Variants in SYNDIG1L observed in about 807,000 individuals in gnomAD.
SYNDIG1L encodes the protein synapse differentiation-inducing gene protein 1-like.
A neutral mutation model predicts 20.1 loss-of-function variants in SYNDIG1L; 13 were observed. The ratio of observed to expected loss-of-function variants is 0.65; its 90% CI spans 0.42 to 1.03. The LOEUF is 1.03. Among genes scored for constraint, SYNDIG1L ranks in the 50% least tolerant of loss-of-function variants. The pLI, the probability that SYNDIG1L is intolerant of heterozygous loss-of-function variation, is 0.00. For missense variants in SYNDIG1L, 294 were observed against 305.1 expected (o/e 0.96, Z 0.27); for synonymous variants, 128 against 129.3 (o/e 0.99, Z 0.07).
chr14:74,407,848 C>A lies in SYNDIG1L; in HGVS notation c.558+1G>T, dbSNP rs779828746. 1 of 1,610,780 alleles carries A rather than the reference C, an allele frequency of 6.2e-7. No homozygotes were observed. The highest frequency in any genetic ancestry group is 8.5e-7 in the Non-Finnish European group (1 of 1,178,422). On this transcript the variant is annotated splice_donor_variant, in intron 3 of 3. Coordinates refer to ENST00000331628, the MANE Select transcript of SYNDIG1L (RefSeq NM_001105579.2). LOFTEE classifies it high-confidence loss of function. ...GGGACCTGGGCCCCAGGTGCTCTTA[C>A]CCCCTGGGAGAAGTAGAAGGCAGCA...
At chr14:74,423,445 A>G (rs1213138643) in intron 1 of SYNDIG1L, among the ~76,000 whole-genome samples, 1 of 152,192 alleles carries the variant, frequency 6.6e-6, no homozygotes, top group Non-Finnish European at 1.5e-5. Flanking sequence ...ACTGTCCATT[A>G]ACTCCAGAGA....
chr14:74,412,471 T>C, intron 1 of SYNDIG1L, among the ~76,000 whole-genome samples: 1 of 152,172 alleles, frequency 6.6e-6, no homozygotes, highest in Non-Finnish European at 1.5e-5. Flanking sequence ...CAGTGAGTGA[T>C]TGTATGAAAT....
the SYNDIG1L span, among the ~76,000 whole-genome samples, chr14:74,443,326 G>T: frequency 3.5e-4 from 54 of 152,300 alleles, no homozygotes; most frequent in African/African-American, 1.2e-3. Flanking sequence ...AATGATAAAA[G>T]GTCAAGTGAA....
the SYNDIG1L span, among the ~76,000 whole-genome samples, chr14:74,444,111 A>G: frequency 6.6e-6 from 1 of 152,120 alleles, no homozygotes; most frequent in African/African-American, 2.4e-5. Flanking sequence ...CTTGTTGCCC[A>G]GGCTGGAGTG....
intron 2 of SYNDIG1L, among the ~76,000 whole-genome samples, chr14:74,408,410 G>A (rs1285058675): frequency 2.0e-5 from 3 of 151,882 alleles, no homozygotes; most frequent in Admixed American, 1.3e-4. Context: ...CTGAAAATAC[G>A]AAAATTAGCT....
intron 1 of SYNDIG1L, 113 bp from the exon 2 acceptor site, chr14:74,409,914 C>T (rs2086118163): frequency 2.4e-6 from 2 of 833,622 alleles, no homozygotes; most frequent in South Asian, 6.3e-5. Context: ...CTGCCTCTGC[C>T]CTTTGCAAGA....
the SYNDIG1L span, among the ~76,000 whole-genome samples, chr14:74,445,300 T>C: frequency 2.6e-5 from 4 of 152,180 alleles, no homozygotes; most frequent in South Asian, 8.3e-4. Context: ...TTGAACCAAA[T>C]AAATGTCTTT....
the SYNDIG1L span, among the ~76,000 whole-genome samples, chr14:74,460,728 T>C: frequency 5.9e-5 from 9 of 152,078 alleles, no homozygotes; most frequent in Non-Finnish European, 1.5e-5. Flanking sequence ...CTCCGCCTCC[T>C]GGGTTCAAGC....
At chr14:74,416,143 T>A (rs2086172968) in intron 1 of SYNDIG1L, among the ~76,000 whole-genome samples, 4 of 152,176 alleles carry the variant, frequency 2.6e-5, no homozygotes, top group Admixed American at 2.6e-4. Context: ...TCTCTCTTTT[T>A]TAAATGTATC....
intron 1 of SYNDIG1L, among the ~76,000 whole-genome samples, chr14:74,422,493 T>C (rs2086230126): frequency 6.6e-6 from 1 of 151,894 alleles, no homozygotes; most frequent in Non-Finnish European, 1.5e-5. Flanking sequence ...ACTTTGGAGC[T>C]GGAAGCCCCT....
At chr14:74,462,265 C>T in the SYNDIG1L span, among the ~76,000 whole-genome samples, 1 of 151,590 alleles carries the variant, frequency 6.6e-6, no homozygotes, top group African/African-American at 2.4e-5. Flanking sequence ...GGGTGGATCA[C>T]CTGAGGTCAG....
At chr14:74,421,846 C>G (rs1015821704) in intron 1 of SYNDIG1L, among the ~76,000 whole-genome samples, 1 of 152,176 alleles carries the variant, frequency 6.6e-6, no homozygotes, top group East Asian at 1.9e-4. Flanking sequence ...CTTCTTGGCT[C>G]CCACGGGAGG....
chr14:74,427,234 G>C (rs555343409), upstream of SYNDIG1L, among the ~76,000 whole-genome samples: 1 of 151,374 alleles, frequency 6.6e-6, no homozygotes, highest in South Asian at 2.1e-4. Flanking sequence ...CAGGAGGTCA[G>C]GAGGAGAGAG....
chr14:74,457,216 C>A, the SYNDIG1L span, among the ~76,000 whole-genome samples: 1 of 152,226 alleles, frequency 6.6e-6, no homozygotes, highest in African/African-American at 2.4e-5. Flanking sequence ...CAAGGCGTCA[C>A]CCCACTTGCC....
At chr14:74,452,759 A>G in the SYNDIG1L span, among the ~76,000 whole-genome samples, 1 of 152,236 alleles carries the variant, frequency 6.6e-6, no homozygotes, top group African/African-American at 2.4e-5. Flanking sequence ...AAAAGAAAGC[A>G]TAAGTCTGTA....
At chr14:74,473,981 T>A in the SYNDIG1L span, 1 of 152,224 alleles carries the variant, frequency 6.6e-6, no homozygotes, top group African/African-American at 2.4e-5. Context: ...GACCTTGTTT[T>A]CCTTGTGAGG....
At chr14:74,417,302 C>T (rs2086184825) in intron 1 of SYNDIG1L, among the ~76,000 whole-genome samples, 1 of 152,164 alleles carries the variant, frequency 6.6e-6, no homozygotes, top group Admixed American at 6.6e-5. Context: ...CCATGTTCTC[C>T]AGGATTTGCT....
chr14:74,426,981 A>C (rs2086271820), upstream of SYNDIG1L, among the ~76,000 whole-genome samples: 1 of 152,012 alleles, frequency 6.6e-6, no homozygotes, highest in Non-Finnish European at 1.5e-5. Flanking sequence ...TACGTGACAC[A>C]TTGGCACTCA....
chr14:74,455,827 G>A, the SYNDIG1L span, among the ~76,000 whole-genome samples: 3 of 152,082 alleles, frequency 2.0e-5, no homozygotes, highest in Admixed American at 6.6e-5. Flanking sequence ...TTCTGACCCC[G>A]CTTCTGGGTG....
Sources: allele counts gnomAD v4.1 joint callset (sites outside exome capture counted in the v4.1 genomes callset), GRCh38; gene constraint gnomAD v4.1.1; transcripts MANE v1.5; gene names NCBI Gene and HGNC (gene_info 2026-07-23, HGNC 2026-07-21).